The following CASZ1 variants were observed in gnomAD, a reference collection of about 807,000 sequenced individuals.
The protein encoded by CASZ1 is zinc finger protein castor homolog 1.
Under a neutral mutation model 135.2 loss-of-function variants are expected in CASZ1, and 28 were observed. The ratio of observed to expected loss-of-function variants is 0.21; its 90% CI spans 0.15 to 0.28. The LOEUF is 0.28. CASZ1 is among the 10% of genes least tolerant of loss of function. The probability of loss-of-function intolerance (pLI) is 1.00; values close to 1 mark genes in which losing one functional copy is unlikely to be tolerated. For synonymous variants in CASZ1, 1,068 were observed against 1,073.4 expected, an observed-to-expected ratio of 0.99 and a Z score of 0.10; for missense variants, 2,161 against 2,453.3, an observed-to-expected ratio of 0.88 and a Z score of 2.52.
rs1209538324 is a variant in CASZ1, at chr1:10,747,327, C to T, written c.-77+13374G>A. ...CTCATCTTTCGTAGATGCAACCCAG[C>T]AGACAAACCAAATCCCATGGGCAGG... On this transcript the variant is annotated intron_variant, in intron 2 of 20. Coordinates refer to ENST00000377022, the MANE Select transcript of CASZ1 (RefSeq NM_001079843.3). The surrounding 1 kb of genome is among the most constrained non-coding windows in gnomAD (Gnocchi z 4.3). 6.6e-6 allele frequency among the ~76,000 whole-genome samples: 1 copy of T among 152,216 alleles called. No individual in the cohort carries two copies. Among genetic ancestry groups the T allele is most frequent in the African/African-American group, 2.4e-5 (1 of 41,460 alleles).
At position 10,697,970 on chromosome 1, in the gene CASZ1, G is replaced by A. The variant is rs550271054; in HGVS notation, c.-23-4058C>T. Among the ~76,000 whole-genome samples the A allele has an allele frequency of 6.6e-5, 10 of 152,374 alleles. No homozygotes were observed. In the South Asian group the frequency reaches 1.0e-3, roughly 16 times the overall value. ...GAAGTGGACGGGAAGCATGGGGGCC[G>A]AGGGAGGGCAGAGCCAAGGCACCAC... On this transcript the variant is annotated intron_variant, in intron 3 of 20. Transcript: ENST00000377022. The surrounding 1 kb of genome is among the most constrained non-coding windows in gnomAD (Gnocchi z 4.7).
At chr1:10,781,988 A>C (rs1271262005) in intron 1 of CASZ1, among the ~76,000 whole-genome samples, 4 of 152,228 alleles carry the variant, frequency 2.6e-5, no homozygotes, top group Non-Finnish European at 5.9e-5. Context: ...TTTTCCAGAA[A>C]GAGTCCCCTG....
In CASZ1 at chr1:10,639,962, G is replaced by A. The variant is rs769532690; in HGVS notation, c.4260C>T (p.Ser1420=). The part of the protein sequence containing the change: ...SPFGKRRKTA[S]SRKMLDEGMM... ...TGCCCTCGTCCAGCATCTTCCGGGA[G>A]GACGCCGTCTTCCGCCGCTTGCCGA... Residue 1420 remains serine, a synonymous_variant, in exon 21 of 21, where the codon TCC becomes TCT. Coordinates refer to ENST00000377022, the MANE Select transcript of CASZ1 (RefSeq NM_001079843.3). The surrounding 1 kb of genome is among the most constrained non-coding windows in gnomAD (Gnocchi z 4.0). 5 of 1,612,894 alleles carry A rather than the reference G, an allele frequency of 3.1e-6. No homozygotes were observed. The highest frequency in any genetic ancestry group is 1.1e-5 in the South Asian group (1 of 91,092).
rs1470877301 is a variant in CASZ1 at position 10,639,236 on chromosome 1, G to C, written c.4986C>G (p.Gly1662=). Residue 1662 remains glycine (G), a synonymous_variant, in exon 21 of 21, where the codon GGC becomes GGG. Transcript: ENST00000377022. This position sits in a 1 kb window ranked among gnomAD's most constrained non-coding sequence, Gnocchi z 4.0. ...CAGCTGCGGCGGCGGCGGCGGCGGC[G>C]CCCTCGCGCGGCCCGGGGGCGGCGG... The part of the protein sequence containing the change: ...PDAAAPGPRE[G]AAAAAAAAGE... The C allele has an allele frequency of 2.2e-6, 2 of 922,322 alleles. No homozygotes were observed. Among genetic ancestry groups the C allele is most frequent in the African/African-American group, 1.8e-5 (1 of 55,200 alleles). 57.1% of individuals were successfully genotyped at this position (922,322 alleles called of 1,614,324 possible).
intron 2 of CASZ1, among the ~76,000 whole-genome samples, chr1:10,733,884 G>A (rs1323202023): frequency 6.6e-6 from 1 of 152,188 alleles, no homozygotes; most frequent in Non-Finnish European, 1.5e-5. Context: ...GGCTGCTGAA[G>A]GAGAGTCCAT....
chr1:10,724,420 A>G lies in CASZ1; in HGVS notation c.-76-18876T>C, dbSNP rs1454788484. On this transcript the variant is annotated intron_variant, in intron 2 of 20. Coordinates refer to ENST00000377022, the MANE Select transcript of CASZ1 (RefSeq NM_001079843.3). The surrounding 1 kb of genome is among the most constrained non-coding windows in gnomAD (Gnocchi z 4.1). ...GCTGTTTTAAAGGGTAGAAAGCAAA[A>G]TAAGGTAACCTGAGCTATTAAACCC... Among the ~76,000 whole-genome samples, 1 of 152,216 alleles carries G rather than the reference A, an allele frequency of 6.6e-6. No homozygotes were observed. The highest frequency in any genetic ancestry group is 2.4e-5 in the African/African-American group (1 of 41,452).
Position 10,694,830 on chromosome 1 carries a change from G to T in CASZ1, c.-23-918C>A, listed in dbSNP as rs1236600672. ...GGGCTGGCGGGAGGGGACCCGGCGC[G>T]GGGCGGGGAACGCGGCCCGAGTAAG... is the stretch of plus-strand genomic sequence containing the variant. On this transcript the variant is annotated intron_variant, in intron 3 of 20. Coordinates refer to ENST00000377022, the MANE Select transcript of CASZ1 (RefSeq NM_001079843.3). The surrounding 1 kb of genome is among the most constrained non-coding windows in gnomAD (Gnocchi z 6.6). 6.9e-6 allele frequency among the ~76,000 whole-genome samples: 1 copy of T among 145,098 alleles called. No individual in the cohort carries two copies. The highest frequency in any genetic ancestry group is 1.5e-5 in the Non-Finnish European group (1 of 65,382).
At chr1:10,752,600 A>G (rs778364449) in intron 2 of CASZ1, among the ~76,000 whole-genome samples, 3 of 152,166 alleles carry the variant, frequency 2.0e-5, no homozygotes, top group Non-Finnish European at 2.9e-5. Flanking sequence ...CAAAGTCCCC[A>G]GGCAGCTCCC....
In CASZ1 at chr1:10,719,185, T is replaced by C. The variant is rs1639451396; in HGVS notation, c.-76-13641A>G. The stretch of plus-strand genomic sequence containing the variant: ...TGCCCGCTTCCGGCTCCCTAAGTGC[T>C]GGGATTACAGGCGTGAGCCACCGCA... On this transcript the variant is annotated intron_variant, in intron 2 of 20. Transcript: ENST00000377022. The surrounding 1 kb of genome is among the most constrained non-coding windows in gnomAD (Gnocchi z 4.0). Among the ~76,000 whole-genome samples the C allele has an allele frequency of 6.6e-6, 1 of 152,224 alleles. No homozygotes were observed.
chr1:10,638,739 G>T lies in CASZ1; in HGVS notation c.*203C>A. 2 of 307,392 alleles carry T rather than the reference G, an allele frequency of 6.5e-6. No individual in the cohort carries two copies. The highest frequency in any genetic ancestry group is 9.5e-6 in the Non-Finnish European group (2 of 210,172). The allele number at this position is 307,392 out of a possible 1,614,324, so 19.0% of individuals were successfully genotyped here. On this transcript the variant is annotated 3_prime_UTR_variant, in exon 21 of 21. Coordinates refer to ENST00000377022, the MANE Select transcript of CASZ1 (RefSeq NM_001079843.3). The surrounding 1 kb of genome is among the most constrained non-coding windows in gnomAD (Gnocchi z 5.9). ...CCTTCTGTTTCCCTGAAGAGACCCG[G>T]CCTCCCTAGAGCAGGGCCACCGCCG...
At chr1:10,640,394 A>C (rs1452251117) in intron 20 of CASZ1, among the ~76,000 whole-genome samples, 4 of 152,158 alleles carry the variant, frequency 2.6e-5, no homozygotes, top group African/African-American at 9.7e-5. Context: ...GCGCTAATTG[A>C]AGCTGAAGGG....
At chr1:10,663,227 C>T (rs544334010) in intron 5 of CASZ1, among the ~76,000 whole-genome samples, 1 of 152,316 alleles carries the variant, frequency 6.6e-6, no homozygotes, top group South Asian at 2.1e-4. Flanking sequence ...TCCTCAGAGA[C>T]ACCTGGGATG....
intron 4 of CASZ1, among the ~76,000 whole-genome samples, chr1:10,688,586 C>T (rs964144696): frequency 2.6e-5 from 4 of 152,188 alleles, no homozygotes; most frequent in Non-Finnish European, 1.5e-5. Flanking sequence ...CCGCTCCTCT[C>T]CCTCCACTAG....
At position 10,654,079 on chromosome 1, in the gene CASZ1, C is replaced by T. The variant is rs572859142; in HGVS notation, c.1978G>A (p.Val660Met). The T allele has an allele frequency of 2.1e-4, 339 of 1,614,226 alleles. 4 individuals carry two copies. The South Asian group carries it at 3.0e-3, about 14-fold the overall frequency. The change falls in exon 11 of 21, where the codon GTG becomes ATG. Residue 660 changes from valine (V) to methionine (M), a missense_variant. Transcript: ENST00000377022. The stretch of plus-strand genomic sequence containing the variant: ...AAGTGGTTGGTAGCCTTGCTGTACA[C>T]GCAGCCCTCGTACTTGCACTCCTCG... ...KYEECKYEGC[V>M]YSKATNHFHC...
At position 10,637,292 on chromosome 1, in the gene CASZ1, G is replaced by A. The variant is rs897484589; in HGVS notation, c.*1650C>T. The A allele has an allele frequency of 3.9e-5, 6 of 152,572 alleles. No individual in the cohort carries two copies. Among genetic ancestry groups the A allele is most frequent in the African/African-American group, 1.4e-4 (6 of 41,432 alleles). The allele number at this position is 152,572 out of a possible 1,614,324, so 9.5% of individuals were successfully genotyped here. On this transcript the variant is annotated 3_prime_UTR_variant, in exon 21 of 21. Coordinates refer to ENST00000377022, the MANE Select transcript of CASZ1 (RefSeq NM_001079843.3). ...CCACAGAGTTCAGGAGGCTCTGGTA[G>A]GGGCTGTTTTAGAAAATAACTGATT...
At chr1:10,771,687 C>T (rs999960858) in intron 1 of CASZ1, among the ~76,000 whole-genome samples, 1 of 152,086 alleles carries the variant, frequency 6.6e-6, no homozygotes, top group African/African-American at 2.4e-5. Flanking sequence ...CCTCCTCTTC[C>T]TCCTCCTCCT....
In CASZ1 at chr1:10,735,957, G is replaced by T. The variant is rs1196988770; in HGVS notation, c.-77+24744C>A. 2.0e-5 allele frequency among the ~76,000 whole-genome samples: 3 copies of T among 152,178 alleles called. No homozygotes were observed. The highest frequency in any genetic ancestry group is 7.2e-5 in the African/African-American group (3 of 41,426). On this transcript the variant is annotated intron_variant, in intron 2 of 20. Transcript: ENST00000377022. The surrounding 1 kb of genome is among the most constrained non-coding windows in gnomAD (Gnocchi z 5.1). The stretch of plus-strand genomic sequence containing the variant: ...GGACACCACTCTCTCCTACCCAGGG[G>T]CAGGGCAGTTTGACCTCCTTAAGAC...
At chr1:10,687,950 T>C (rs914200256) in intron 4 of CASZ1, among the ~76,000 whole-genome samples, 3 of 152,152 alleles carry the variant, frequency 2.0e-5, no homozygotes, top group African/African-American at 7.2e-5. Context: ...CCCAAGGGAA[T>C]TGGCCAACAT....
At chr1:10,655,062 T>G (rs1642742126) in intron 9 of CASZ1, among the ~76,000 whole-genome samples, 1 of 151,990 alleles carries the variant, frequency 6.6e-6, no homozygotes, top group African/African-American at 2.4e-5. Flanking sequence ...AAGGCAACGT[T>G]GCCATATTGA....
Sources: gnomAD v4.1 joint callset for allele counts (sites outside exome capture counted in the v4.1 genomes callset) on GRCh38, gnomAD v4.1.1 for gene constraint, Gnocchi (gnomAD v3.1) non-coding constraint, MANE v1.5 for transcripts, NCBI Gene and HGNC (gene_info 2026-07-23, HGNC 2026-07-21) for gene names.